The following ZC3H8 variants were observed in gnomAD, a reference collection of about 807,000 sequenced individuals.
ZC3H8 encodes the protein zinc finger CCCH-type containing 8.
Under a neutral mutation model 42.5 loss-of-function variants are expected in ZC3H8, and 27 were observed. The ratio of observed to expected loss-of-function variants is 0.64; its 90% CI spans 0.47 to 0.88. The LOEUF is 0.88. Ranked by LOEUF, ZC3H8 falls within the 40% of genes least tolerant of loss-of-function variation. The pLI is 0.00. For synonymous variants in ZC3H8, 101 were observed against 110.1 expected, an observed-to-expected ratio of 0.92 and a Z score of 0.52; for missense variants, 277 against 336.1, an observed-to-expected ratio of 0.82 and a Z score of 1.37.
chr2:112,250,048 T>C (rs1685894345), intron 2 of ZC3H8, 143 bp downstream of exon 2: 2 of 513,244 alleles, frequency 3.9e-6, no homozygotes, highest in Non-Finnish European at 6.6e-6. Context: ...GGGTCCCAAA[T>C]GCTGGTAAAA....
At chr2:112,217,907 T>C (rs1255484448) in intron 8 of ZC3H8, among the ~76,000 whole-genome samples, 1 of 152,112 alleles carries the variant, frequency 6.6e-6, no homozygotes, top group Non-Finnish European at 1.5e-5. Flanking sequence ...TGTTTGTATG[T>C]GTGTCTGGTT....
At chr2:112,238,714 A>C (rs1025891816) in intron 2 of ZC3H8, 186 bp from the exon 3 acceptor site, 2 of 440,428 alleles carry the variant, frequency 4.5e-6, no homozygotes, top group African/African-American at 2.0e-5. Flanking sequence ...AAAAGAAAAA[A>C]TTTCCAGAAT....
chr2:112,220,786 A>G (rs1266797424), intron 8 of ZC3H8, among the ~76,000 whole-genome samples: 1 of 152,194 alleles, frequency 6.6e-6, no homozygotes, highest in African/African-American at 2.4e-5. Flanking sequence ...GTGCCATTGC[A>G]CTTCAGCCTG....
rs75258901 is a variant in ZC3H8 at position 112,236,029 on chromosome 2, C to T, written c.504+533G>A. Among the ~76,000 whole-genome samples the T allele has an allele frequency of 2.2e-4, 34 of 151,752 alleles. No homozygotes were observed. In the East Asian group the frequency reaches 6.0e-3, roughly 27 times the overall value. On this transcript the variant is annotated intron_variant, in intron 4 of 8. Coordinates refer to ENST00000409573, the MANE Select transcript of ZC3H8 (RefSeq NM_032494.3). ...TAGGGAGGTGGTGGGTGGTGGGAGC[C>T]GAGGCAGGTGGATCACCTGAGGTCA...
intron 6 of ZC3H8, among the ~76,000 whole-genome samples, chr2:112,233,055 A>G (rs531258122): frequency 1.1e-4 from 16 of 152,358 alleles, no homozygotes; most frequent in Admixed American, 2.0e-4. Context: ...AGCAGAAAGA[A>G]TCATCATTTG....
chr2:112,245,273 A>C (rs183860506), intron 2 of ZC3H8, among the ~76,000 whole-genome samples: 6 of 152,358 alleles, frequency 3.9e-5, no homozygotes, highest in African/African-American at 1.4e-4. Context: ...AGGTGGAAAA[A>C]GGTGAGGAAG....
At chr2:112,242,725 C>T (rs1368778877) in intron 2 of ZC3H8, among the ~76,000 whole-genome samples, 2 of 152,140 alleles carry the variant, frequency 1.3e-5, no homozygotes, top group Non-Finnish European at 2.9e-5. Flanking sequence ...GCATTCACCA[C>T]AATATTCCCA....
intron 4 of ZC3H8, 27 bp from the exon 5 acceptor site, chr2:112,234,263 A>T: frequency 2.1e-6 from 3 of 1,462,380 alleles, no homozygotes; most frequent in Non-Finnish European, 2.8e-6. Context: ...AAAAAAACTA[A>T]ATGTAAGAAA....
chr2:112,231,905 T>C lies in ZC3H8; in HGVS notation c.776A>G (p.Tyr259Cys). ...CKFYHTGTKC[Y>C]QGEYCKFSHA... ...AGAAAACTTGCAGTATTCTCCCTGA[T>C]AACATTTTGTTCCTGTATGGTAAAA... The change falls in exon 7 of 9, where the codon TAT becomes TGT. Residue 259 changes from tyrosine to cysteine, a missense_variant. By Grantham distance (194) the Tyr-to-Cys change is radical. Transcript: ENST00000409573. 6.3e-7 allele frequency: 1 copy of C among 1,588,894 alleles called. No homozygotes were observed.
intron 6 of ZC3H8, 149 bp downstream of exon 6, chr2:112,233,111 C>A: frequency 1.9e-6 from 1 of 536,106 alleles, no homozygotes; most frequent in Non-Finnish European, 3.3e-6. Flanking sequence ...TGAAAAAATC[C>A]ACGTACAATT....
At chr2:112,245,334 G>A (rs1685718366) in intron 2 of ZC3H8, among the ~76,000 whole-genome samples, 1 of 152,170 alleles carries the variant, frequency 6.6e-6, no homozygotes, top group Non-Finnish European at 1.5e-5. Flanking sequence ...GAGGTTTATG[G>A]ATAGACGATG....
Position 112,234,786 on chromosome 2 carries a change from C to T in ZC3H8, c.505-550G>A, listed in dbSNP as rs1370476241. 6.7e-5 allele frequency among the ~76,000 whole-genome samples: 10 copies of T among 149,572 alleles called. No individual in the cohort carries two copies. The East Asian group carries it at 1.4e-3, about 21-fold the overall frequency. ...CTGTACTCCAGCCTGGGCAATAGAA[C>T]GAGACTCCATCTCAGGGAGAAAAAA... is the stretch of plus-strand genomic sequence containing the variant. On this transcript the variant is annotated intron_variant, in intron 4 of 8. Transcript: ENST00000409573.
intron 1 of ZC3H8, among the ~76,000 whole-genome samples, chr2:112,252,806 C>A (rs900822462): frequency 1.3e-5 from 2 of 152,144 alleles, no homozygotes; most frequent in African/African-American, 2.4e-5. Flanking sequence ...TTAAAACTTA[C>A]CAATGTTATC....
At chr2:112,220,096 A>G (rs572156907) in intron 8 of ZC3H8, among the ~76,000 whole-genome samples, 2 of 152,316 alleles carry the variant, frequency 1.3e-5, no homozygotes, top group African/African-American at 2.4e-5. Context: ...TTTTGTTTCT[A>G]TATCAGCTTT....
At chr2:112,234,286 T>C in intron 4 of ZC3H8, 50 bp from the exon 5 acceptor site, 3 of 1,358,482 alleles carry the variant, frequency 2.2e-6, no homozygotes, top group Non-Finnish European at 3.0e-6. Flanking sequence ...GAAAATTAAA[T>C]ATTTTATTCT....
At chr2:112,240,992 T>C (rs145379393) in intron 2 of ZC3H8, among the ~76,000 whole-genome samples, 12,154 of 143,378 alleles carry the variant, frequency 0.085, 631 homozygotes, top group Non-Finnish European at 0.12. Context: ...TGTGCGCGTG[T>C]GTATGTGTGT....
intron 5 of ZC3H8, 32 bp from the exon 6 acceptor site, chr2:112,233,403 T>C (rs764943003): frequency 1.5e-6 from 2 of 1,355,280 alleles, no homozygotes; most frequent in East Asian, 4.8e-5. Flanking sequence ...GGAAAAGCCA[T>C]TATTTCTCAT....
chr2:112,234,797 C>T (rs920147555), intron 4 of ZC3H8, among the ~76,000 whole-genome samples: 7 of 150,582 alleles, frequency 4.6e-5, no homozygotes, highest in African/African-American at 1.7e-4. Context: ...GAGACTCCAT[C>T]TCAGGGAGAA....
chr2:112,249,808 C>A, intron 2 of ZC3H8, among the ~76,000 whole-genome samples: 2 of 152,250 alleles, frequency 1.3e-5, no homozygotes, highest in Middle Eastern at 3.4e-3. Context: ...TGAACTAATA[C>A]GGGCTTTAAG....
Sources: allele counts gnomAD v4.1 joint callset (sites outside exome capture counted in the v4.1 genomes callset), GRCh38; gene constraint gnomAD v4.1.1; transcripts MANE v1.5; gene names NCBI Gene and HGNC (gene_info 2026-07-23, HGNC 2026-07-21).